Variants in ME1 observed in about 807,000 individuals in gnomAD.
The protein encoded by ME1 is malic enzyme 1.
In ME1, 74 loss-of-function variants were observed where a neutral mutation model predicts 66.4. That is an observed-to-expected ratio of 1.11 (90% CI 0.92 to 1.35). The LOEUF is 1.35. Among genes scored for constraint, ME1 ranks in the 40% most tolerant of loss-of-function variants. The pLI is 0.00. For synonymous variants in ME1, 251 were observed against 235.6 expected, an observed-to-expected ratio of 1.07 and a Z score of -0.60; for missense variants, 750 against 694.1, an observed-to-expected ratio of 1.08 and a Z score of -0.90.
At chr6:83,346,044 G>T in intron 5 of ME1, 129 bp downstream of exon 5, 2 of 698,058 alleles carry the variant, frequency 2.9e-6, no homozygotes, top group South Asian at 2.6e-5. Flanking sequence ...GTAAAGGGCA[G>T]ATTTGGAGAG....
chr6:83,398,493 T>G lies in ME1; in HGVS notation c.236A>C (p.Gln79Pro). The change falls in exon 3 of 14, where the codon CAA (glutamine) becomes CCA (proline). Residue 79 changes from glutamine (Q) to proline (P), a missense_variant. By Grantham distance (76) the Gln-to-Pro change is moderately conservative (BLOSUM62 -1). Transcript: ENST00000369705. Reference sequence around the variant, plus strand: ...ATAAAAGAGTTTTTCATTTCTATCTTGGAGATCCATTAAGAGAAGATACCT... The same window carrying G: ...ATAAAAGAGTTTTTCATTTCTATCTGGGAGATCCATTAAGAGAAGATACCT... Reference protein sequence around the residue: ...FDRYLLLMDLQDRNEKLFYRV... With the variant: ...FDRYLLLMDLPDRNEKLFYRV... 1.3e-6 allele frequency: 2 copies of G among 1,566,306 alleles called. No individual in the cohort carries two copies. The highest frequency in any genetic ancestry group is 1.7e-6 in the Non-Finnish European group (2 of 1,150,332).
chr6:83,415,864 G>C (rs987224012), intron 1 of ME1, among the ~76,000 whole-genome samples: 4 of 151,988 alleles, frequency 2.6e-5, no homozygotes, highest in Non-Finnish European at 5.9e-5. Context: ...ATCTTGACCA[G>C]GTTTCTCAAT....
chr6:83,291,267 C>G (rs1050202292), intron 6 of ME1, among the ~76,000 whole-genome samples: 1 of 152,152 alleles, frequency 6.6e-6, no homozygotes, highest in African/African-American at 2.4e-5. Flanking sequence ...CCAGTTGTTC[C>G]TATCCATGTT....
chr6:83,315,845 C>T (rs917444495), intron 5 of ME1, among the ~76,000 whole-genome samples: 2 of 151,978 alleles, frequency 1.3e-5, no homozygotes, highest in African/African-American at 4.8e-5. Context: ...TGCAGTGAAC[C>T]AAGATCGCAC....
At chr6:83,224,550 G>T (rs1790149605) in intron 11 of ME1, among the ~76,000 whole-genome samples, 1 of 151,346 alleles carries the variant, frequency 6.6e-6, no homozygotes, top group South Asian at 2.1e-4. Context: ...GGGGAGTGGT[G>T]GTGGGTGCCT....
At chr6:83,293,621 T>C (rs1375011138) in intron 6 of ME1, among the ~76,000 whole-genome samples, 11 of 152,134 alleles carry the variant, frequency 7.2e-5, no homozygotes, top group Non-Finnish European at 8.8e-5. Context: ...CTGAATAGAA[T>C]AGAAATGAAT....
intron 13 of ME1, among the ~76,000 whole-genome samples, chr6:83,215,845 A>G (rs1789982016): frequency 6.6e-6 from 1 of 152,254 alleles, no homozygotes; most frequent in Non-Finnish European, 1.5e-5. Context: ...ATTTAAAAAC[A>G]GTTACTACAT....
chr6:83,259,084 G>A (rs1294496902), intron 6 of ME1, among the ~76,000 whole-genome samples: 2 of 152,066 alleles, frequency 1.3e-5, no homozygotes, highest in African/African-American at 2.4e-5. Flanking sequence ...ACTGTAACCA[G>A]GTTAACCAAG....
At chr6:83,400,601 A>T (rs1435516925) in intron 2 of ME1, among the ~76,000 whole-genome samples, 3 of 152,164 alleles carry the variant, frequency 2.0e-5, no homozygotes, top group Admixed American at 6.5e-5. Flanking sequence ...CTACCACCCT[A>T]GATCTAAATC....
At chr6:83,251,651 G>A (rs1226066958) in intron 7 of ME1, among the ~76,000 whole-genome samples, 1 of 152,020 alleles carries the variant, frequency 6.6e-6, no homozygotes, top group Non-Finnish European at 1.5e-5. Flanking sequence ...ATTTGAAGAG[G>A]GGAAGAAAGG....
chr6:83,382,314 A>G (rs1486027572), intron 3 of ME1, among the ~76,000 whole-genome samples: 1 of 152,114 alleles, frequency 6.6e-6, no homozygotes, highest in Non-Finnish European at 1.5e-5. Context: ...TGGACGCTCA[A>G]TAAATTTCTG....
At chr6:83,225,808 T>TTATATATATATA (rs57577563) in intron 11 of ME1, among the ~76,000 whole-genome samples, 114 of 138,022 alleles carry the variant, frequency 8.3e-4, no homozygotes, top group Admixed American at 4.1e-3. Flanking sequence ...GCCTGTAACA[T>TTATATATATATA]TATATATATA....
chr6:83,277,504 T>A (rs1583352962), intron 6 of ME1, among the ~76,000 whole-genome samples: 1 of 152,212 alleles, frequency 6.6e-6, no homozygotes, highest in Non-Finnish European at 1.5e-5. Context: ...TATGGCAGAA[T>A]AGTTAGAATA....
chr6:83,268,179 G>C (rs921730294), intron 6 of ME1, among the ~76,000 whole-genome samples: 2 of 151,806 alleles, frequency 1.3e-5, no homozygotes, highest in African/African-American at 2.4e-5. Context: ...TCTGCCTAAG[G>C]CCTTCTCAAA....
Position 83,239,559 on chromosome 6 carries a change from G to C in ME1, c.892C>G (p.Leu298Val). The change falls in exon 8 of 14, where the codon CTA (leucine) becomes GTA (valine). Residue 298 changes from leucine to valine, a missense_variant. By Grantham distance (32) the Leu-to-Val change is conservative (BLOSUM62 1). Transcript: ENST00000369705. ...TKNKLSDQTI[L>V]FQGAGEAALG... Reference sequence around the variant, plus strand: ...AATACCTCTCCAGCTCCTTGGAATAGTATTGTTTGATCAGACAGTTTGTTC... The same window carrying C: ...AATACCTCTCCAGCTCCTTGGAATACTATTGTTTGATCAGACAGTTTGTTC... 6.2e-7 allele frequency: 1 copy of C among 1,612,686 alleles called. No individual in the cohort carries two copies. Among genetic ancestry groups the C allele is most frequent in the Non-Finnish European group, 8.5e-7 (1 of 1,178,840 alleles).
rs867921428 is a variant in ME1 at position 83,223,917 on chromosome 6, G to A, written c.1292C>T (p.Ala431Val). 6.2e-7 allele frequency: 1 copy of A among 1,613,212 alleles called. No individual in the cohort carries two copies. Among genetic ancestry groups the A allele is most frequent in the Non-Finnish European group, 8.5e-7 (1 of 1,179,656 alleles). The change falls in exon 12 of 14, where the codon GCC becomes GTC. Residue 431 changes from alanine to valine, a missense_variant. Physicochemically the swap from Ala to Val is moderately conservative, Grantham distance 64 (BLOSUM62 0). Transcript: ENST00000369705. ...YKITKGRAIF[A>V]SGSPFDPVTL... ...GACTGGATCAAAAGGACTGCCACTG[G>A]CAAAAATTGCACGTCCCTACAACAA...
At chr6:83,344,884 AAAAATAAAAT>A (rs938010389) in intron 5 of ME1, among the ~76,000 whole-genome samples, 3 of 151,978 alleles carry the variant, frequency 2.0e-5, no homozygotes, top group African/African-American at 7.2e-5. Context: ...CGTCTCAAAA[AAAAATAAAAT>A]AAAATAAAAT....
intron 6 of ME1, among the ~76,000 whole-genome samples, chr6:83,287,457 T>C (rs1444623421): frequency 6.6e-6 from 1 of 152,154 alleles, no homozygotes; most frequent in Non-Finnish European, 1.5e-5. Flanking sequence ...TCTAGCTTCA[T>C]CCATGTCCCT....
chr6:83,356,501 T>C (rs1431870643), intron 3 of ME1, among the ~76,000 whole-genome samples: 3 of 151,908 alleles, frequency 2.0e-5, no homozygotes, highest in East Asian at 3.9e-4. Flanking sequence ...TTGCAAGAAA[T>C]AGAAGAATTA....
Sources: gnomAD v4.1 joint callset for allele counts (sites outside exome capture counted in the v4.1 genomes callset) on GRCh38, gnomAD v4.1.1 for gene constraint, MANE v1.5 for transcripts, NCBI Gene and HGNC (gene_info 2026-07-23, HGNC 2026-07-21) for gene names.